Variants in KDM2A observed in about 807,000 individuals in gnomAD.
KDM2A encodes lysine-specific demethylase 2A.
Under a neutral mutation model 137.3 loss-of-function variants are expected in KDM2A, and 3 were observed. The ratio of observed to expected loss-of-function variants is 0.02; its 90% CI spans 0.01 to 0.06. The LOEUF (loss-of-function observed/expected upper bound fraction) is 0.06. Ranked by LOEUF, KDM2A falls within the 10% of genes least tolerant of loss-of-function variation. The pLI is 1.00. For missense variants in KDM2A, 738 were observed against 1,510.6 expected, an observed-to-expected ratio of 0.49 and a Z score of 8.48; for synonymous variants, 512 against 541.5, an observed-to-expected ratio of 0.95 and a Z score of 0.76.
rs539321406 is a variant in KDM2A, at chr11:67,209,651, C to T, written c.486+1963C>T. Among the ~76,000 whole-genome samples the T allele has an allele frequency of 3.2e-4, 49 of 152,198 alleles. 1 individual carries two copies. In the South Asian group the frequency reaches 8.7e-3, roughly 27 times the overall value. ...TAGAGATGGGGTTTCACCATGTTGG[C>T]CAGGCTTGTCTCGAACCCCTGACCT... is the stretch of plus-strand genomic sequence containing the variant. On this transcript the variant is annotated intron_variant, in intron 6 of 20. Transcript: ENST00000529006.
At chr11:67,241,965 A>G (rs1859056293) in intron 12 of KDM2A, among the ~76,000 whole-genome samples, 1 of 152,166 alleles carries the variant, frequency 6.6e-6, no homozygotes, top group Non-Finnish European at 1.5e-5. Context: ...GCTACTCAGG[A>G]GGCTGAGGCA....
intron 2 of KDM2A, among the ~76,000 whole-genome samples, chr11:67,160,541 G>C (rs916777432): frequency 6.6e-6 from 1 of 152,100 alleles, no homozygotes; most frequent in Non-Finnish European, 1.5e-5. Context: ...GGAGGCCAAG[G>C]TGGGTGGATC....
intron 2 of KDM2A, among the ~76,000 whole-genome samples, chr11:67,145,828 A>C (rs1057052488): frequency 6.7e-5 from 10 of 149,100 alleles, no homozygotes; most frequent in Admixed American, 4.0e-4. Context: ...CTTCCTCTCT[A>C]ACTCTGCCTT....
chr11:67,145,994 T>TG (rs1856238061), intron 2 of KDM2A, among the ~76,000 whole-genome samples: 1 of 150,172 alleles, frequency 6.7e-6, no homozygotes, highest in South Asian at 2.1e-4. Context: ...TTTTGTTTTT[T>TG]TTTGTTTTTT....
At chr11:67,124,478 A>G (rs919310929) in intron 2 of KDM2A, among the ~76,000 whole-genome samples, 1 of 150,964 alleles carries the variant, frequency 6.6e-6, no homozygotes, top group Non-Finnish European at 1.5e-5. Flanking sequence ...TGCCCGGCTA[A>G]TTTTTTTGTA....
chr11:67,126,707 C>CAAAAA (rs765065960), intron 2 of KDM2A, among the ~76,000 whole-genome samples: 2 of 75,282 alleles, frequency 2.7e-5, no homozygotes, highest in African/African-American at 8.0e-5. Flanking sequence ...GACTCCATTT[C>CAAAAA]AAAAAAAAAA....
intron 5 of KDM2A, among the ~76,000 whole-genome samples, chr11:67,187,760 G>C (rs1031197998): frequency 2.0e-5 from 3 of 152,216 alleles, no homozygotes; most frequent in South Asian, 2.1e-4. Context: ...TTTTAGTAGA[G>C]ACGGGGTTTT....
chr11:67,156,741 T>A (rs984330983), intron 2 of KDM2A, among the ~76,000 whole-genome samples: 16 of 129,262 alleles, frequency 1.2e-4, no homozygotes, highest in South Asian at 4.9e-4. Flanking sequence ...AAAAAAAAAT[T>A]AGCTGGGCAT....
chr11:67,224,461 C>CTTTTTTTTTTTTT (rs35180780), intron 10 of KDM2A, among the ~76,000 whole-genome samples: 2 of 95,162 alleles, frequency 2.1e-5, no homozygotes, highest in Non-Finnish European at 3.7e-5. Context: ...TAACCCCTTT[C>CTTTTTTTTTTTTT]TTTTTTTTTT....
rs775548814 is a variant in KDM2A at position 67,253,597 on chromosome 11, C to T, written c.3077C>T (p.Pro1026Leu). 28 of 1,613,786 alleles carry T rather than the reference C, an allele frequency of 1.7e-5. No homozygotes were observed. Among genetic ancestry groups the T allele is most frequent in the Middle Eastern group, 1.6e-4 (1 of 6,084 alleles). Reference protein sequence around the residue: ...DPQIRDLLTPPADKPGQDNRS... With the variant: ...DPQIRDLLTPLADKPGQDNRS... ...CAAATTCGGGACTTGCTTACTCCAC[C>T]GGCTGATAAACCAGGTATGCTCTGG... The change falls in exon 19 of 21, where the codon CCG becomes CTG. Residue 1026 changes from proline (P) to leucine (L), a missense_variant. Coordinates refer to ENST00000529006, the MANE Select transcript of KDM2A (RefSeq NM_012308.3).
intron 6 of KDM2A, 29 bp downstream of exon 6, chr11:67,207,717 C>T (rs1022569753): frequency 6.5e-7 from 1 of 1,534,400 alleles, no homozygotes; most frequent in South Asian, 1.2e-5. Flanking sequence ...TTCATATTGT[C>T]ATTGTCACCA....
At chr11:67,239,985 A>G (rs879770858) in intron 12 of KDM2A, 146 of 1,180,854 alleles carry the variant, frequency 1.2e-4, no homozygotes, top group Non-Finnish European at 1.4e-4. Context: ...TCTGCAGCAG[A>G]ACGGCTGGGC....
At chr11:67,199,362 A>G (rs1425000563) in intron 5 of KDM2A, among the ~76,000 whole-genome samples, 1 of 152,218 alleles carries the variant, frequency 6.6e-6, no homozygotes, top group African/African-American at 2.4e-5. Flanking sequence ...TTTAGTGATT[A>G]AGGCATGTCA....
chr11:67,182,278 T>C (rs1407512476), intron 5 of KDM2A, among the ~76,000 whole-genome samples: 3 of 152,230 alleles, frequency 2.0e-5, no homozygotes, highest in Non-Finnish European at 4.4e-5. Flanking sequence ...TCGCCAGTGC[T>C]GCATTTGGAA....
At chr11:67,166,678 A>T (rs1856754398) in intron 2 of KDM2A, among the ~76,000 whole-genome samples, 1 of 151,646 alleles carries the variant, frequency 6.6e-6, no homozygotes, top group Non-Finnish European at 1.5e-5. Context: ...TGCAGTATAC[A>T]GATCAGGTAT....
intron 2 of KDM2A, among the ~76,000 whole-genome samples, chr11:67,144,775 AG>A (rs1856205438): frequency 6.6e-6 from 1 of 151,360 alleles, no homozygotes; most frequent in Non-Finnish European, 1.5e-5. Flanking sequence ...CATGTTACCC[AG>A]GTTGGTCTTG....
At chr11:67,152,129 A>G (rs1229438663) in intron 2 of KDM2A, among the ~76,000 whole-genome samples, 4 of 151,630 alleles carry the variant, frequency 2.6e-5, no homozygotes, top group African/African-American at 9.7e-5. Flanking sequence ...CGCCTGGTCA[A>G]CATAGTGAAA....
At chr11:67,168,618 C>T (rs904408172) in intron 2 of KDM2A, among the ~76,000 whole-genome samples, 2,806 of 125,320 alleles carry the variant, frequency 0.022, 428 homozygotes, top group African/African-American at 0.097. Flanking sequence ...CACACACACA[C>T]ACACACACAC....
intron 19 of KDM2A, among the ~76,000 whole-genome samples, chr11:67,253,904 A>G (rs960724513): frequency 6.6e-6 from 1 of 152,172 alleles, no homozygotes; most frequent in African/African-American, 2.4e-5. Flanking sequence ...GTCAAAAGCT[A>G]TTTGCATGAT....
Sources: allele counts gnomAD v4.1 joint callset (sites outside exome capture counted in the v4.1 genomes callset), GRCh38; gene constraint gnomAD v4.1.1; transcripts MANE v1.5; gene names NCBI Gene and HGNC (gene_info 2026-07-23, HGNC 2026-07-21).